PRKG2: variants seen among roughly 807,000 people sequenced by gnomAD.
PRKG2 encodes cGMP-dependent protein kinase 2.
PRKG2 carries 33 observed loss-of-function variants against 97.2 expected under a neutral mutation model. The ratio of observed to expected loss-of-function variants is 0.34; its 90% CI spans 0.26 to 0.45. PRKG2 has a LOEUF of 0.45. Ranked by LOEUF, PRKG2 falls within the 20% of genes least tolerant of loss-of-function variation. PRKG2 has a pLI of 1.00. For synonymous variants in PRKG2, 330 were observed against 321.8 expected (o/e 1.03, Z -0.27); for missense variants, 638 against 900.0 (o/e 0.71, Z 3.73).
chr4:81,144,527 A>T (rs897256859), intron 9 of PRKG2, among the ~76,000 whole-genome samples, 197 bp from the exon 10 acceptor site: 1 of 151,634 alleles, frequency 6.6e-6, no homozygotes, highest in African/African-American at 2.4e-5. Flanking sequence ...CTTTGATTTT[A>T]TAAAAGCAAA....
chr4:81,126,039 C>T (rs752841879), intron 14 of PRKG2, among the ~76,000 whole-genome samples: 11 of 152,100 alleles, frequency 7.2e-5, no homozygotes, highest in African/African-American at 2.7e-4. Flanking sequence ...ACCCCCCAGC[C>T]GCCAACAGGC....
At chr4:81,107,822 T>C (rs1300176369) in intron 15 of PRKG2, among the ~76,000 whole-genome samples, 1 of 152,168 alleles carries the variant, frequency 6.6e-6, no homozygotes, top group Non-Finnish European at 1.5e-5. Context: ...AGAGTATTTT[T>C]TAAAAAGTAC....
intron 14 of PRKG2, among the ~76,000 whole-genome samples, chr4:81,112,516 C>T (rs1332616133): frequency 6.6e-6 from 1 of 152,148 alleles, no homozygotes; most frequent in Non-Finnish European, 1.5e-5. Flanking sequence ...TCATAAGGAT[C>T]ACTGGAAGCT....
At chr4:81,169,564 T>C (rs1040055249) in intron 5 of PRKG2, 99 bp downstream of exon 5, 13 of 874,394 alleles carry the variant, frequency 1.5e-5, no homozygotes, top group Non-Finnish European at 2.3e-5. Context: ...AATGCTTAAA[T>C]GGAAGTAGCT....
intron 6 of PRKG2, chr4:81,154,065 T>TA (rs11302868): frequency 1.1e-5 from 2 of 177,412 alleles, no homozygotes; most frequent in South Asian, 1.2e-4. Flanking sequence ...GGGACGGCCT[T>TA]AAAAAAACGG....
chr4:81,122,936 C>T lies in PRKG2; in HGVS notation c.1776+12219G>A, dbSNP rs920016662. Among the ~76,000 whole-genome samples, 33 of 152,234 alleles carry T rather than the reference C, an allele frequency of 2.2e-4. 2 individuals are homozygous for T. Among genetic ancestry groups the T allele is most frequent in the African/African-American group, 2.4e-5 (1 of 41,474 alleles). On this transcript the variant is annotated intron_variant, in intron 14 of 18. Transcript: ENST00000264399. Reference sequence around the variant, plus strand: ...GTCCGCTCAGAAGCCTCAGCTAAAACAGCTCTGGCTGGGCTGCCAGCCCAA... The same window carrying T: ...GTCCGCTCAGAAGCCTCAGCTAAAATAGCTCTGGCTGGGCTGCCAGCCCAA...
chr4:81,208,632 C>A (rs1001774327), intron 1 of PRKG2, among the ~76,000 whole-genome samples: 4 of 151,978 alleles, frequency 2.6e-5, no homozygotes, highest in Non-Finnish European at 5.9e-5. Context: ...CACTATGTTG[C>A]TCAAACTGGT....
At chr4:81,211,086 TA>T (rs1234392117) in intron 1 of PRKG2, among the ~76,000 whole-genome samples, 2 of 152,086 alleles carry the variant, frequency 1.3e-5, no homozygotes, top group Non-Finnish European at 2.9e-5. Flanking sequence ...TATAGGGCAG[TA>T]AAACTATTCA....
At chr4:81,093,399 ACACAC>A (rs1212454195) in intron 17 of PRKG2, among the ~76,000 whole-genome samples, 2 of 147,122 alleles carry the variant, frequency 1.4e-5, no homozygotes, top group African/African-American at 5.4e-5. Context: ...ACACACACAC[ACACAC>A]AAGCTTCTTA....
intron 18 of PRKG2, among the ~76,000 whole-genome samples, chr4:81,092,011 G>A (rs1741589675): frequency 6.6e-6 from 1 of 152,050 alleles, no homozygotes; most frequent in Non-Finnish European, 1.5e-5. Context: ...GAGGTATTAT[G>A]ATAATTAAAA....
intron 16 of PRKG2, 21 bp downstream of exon 16, chr4:81,105,792 G>A: frequency 6.2e-7 from 1 of 1,613,108 alleles, no homozygotes; most frequent in Non-Finnish European, 8.5e-7. Flanking sequence ...AAGACAAGGG[G>A]TTACTGACTG....
At chr4:81,185,051 T>C (rs1446830129) in intron 2 of PRKG2, among the ~76,000 whole-genome samples, 1 of 152,160 alleles carries the variant, frequency 6.6e-6, no homozygotes, top group Non-Finnish European at 1.5e-5. Flanking sequence ...TGGAAAACAC[T>C]CTGCAGGATA....
intron 2 of PRKG2, among the ~76,000 whole-genome samples, chr4:81,186,019 T>C (rs1023296928): frequency 3.9e-5 from 6 of 152,280 alleles, no homozygotes; most frequent in East Asian, 1.9e-4. Flanking sequence ...CACACAATAG[T>C]AGCGGGAGAC....
At chr4:81,114,143 A>G (rs1744251980) in intron 14 of PRKG2, among the ~76,000 whole-genome samples, 1 of 152,148 alleles carries the variant, frequency 6.6e-6, no homozygotes, top group African/African-American at 2.4e-5. Flanking sequence ...ACTTGAATTT[A>G]CAGAACCAAT....
At chr4:81,198,631 C>G (rs1272213107) in intron 2 of PRKG2, among the ~76,000 whole-genome samples, 1 of 152,132 alleles carries the variant, frequency 6.6e-6, no homozygotes, top group Admixed American at 6.6e-5. Context: ...CAGACTCAAA[C>G]TGGAAAACTG....
intron 17 of PRKG2, among the ~76,000 whole-genome samples, chr4:81,094,823 G>GCTAGATCACGTA (rs540549629): frequency 1.4e-3 from 209 of 152,230 alleles, no homozygotes; most frequent in Non-Finnish European, 2.2e-3. Flanking sequence ...AGAGCCAGAG[G>GCTAGATCACGTA]CTAGATCACG....
chr4:81,154,265 G>A (rs28823142), intron 6 of PRKG2: 33,761 of 156,112 alleles, frequency 0.22, 7,151 homozygotes, highest in African/African-American at 0.54. Flanking sequence ...GGTGGAGCCC[G>A]CCACAGCTCA....
chr4:81,116,846 C>A (rs1744580377), intron 14 of PRKG2, among the ~76,000 whole-genome samples: 1 of 151,790 alleles, frequency 6.6e-6, no homozygotes, highest in South Asian at 2.1e-4. Context: ...ATGTCCCTTG[C>A]CAATTTTTAA....
chr4:81,168,282 T>C (rs1035278737), intron 5 of PRKG2, among the ~76,000 whole-genome samples: 5 of 152,010 alleles, frequency 3.3e-5, no homozygotes, highest in African/African-American at 9.7e-5. Context: ...GTCTCCCCTC[T>C]CTGAAGGCAA....
Sources: gnomAD v4.1 joint callset for allele counts (sites outside exome capture counted in the v4.1 genomes callset) on GRCh38, gnomAD v4.1.1 for gene constraint, MANE v1.5 for transcripts, NCBI Gene and HGNC (gene_info 2026-07-23, HGNC 2026-07-21) for gene names.